The following DNAH8 variants were observed in gnomAD, a reference collection of about 807,000 sequenced individuals.
DNAH8 encodes axonemal beta dynein heavy chain 8.
Under a neutral mutation model 562.1 loss-of-function variants are expected in DNAH8, and 382 were observed. That is an observed-to-expected ratio of 0.68 (90% CI 0.63 to 0.74). The LOEUF (loss-of-function observed/expected upper bound fraction) is 0.74. Ranked by LOEUF, DNAH8 falls within the 30% of genes least tolerant of loss-of-function variation. The probability of loss-of-function intolerance (pLI) is 0.00; values close to 1 mark genes in which losing one functional copy is unlikely to be tolerated. For synonymous variants in DNAH8, 1,881 were observed against 1,919.4 expected, an observed-to-expected ratio of 0.98 and a Z score of 0.52; for missense variants, 5,203 against 5,620.4, an observed-to-expected ratio of 0.93 and a Z score of 2.37.
At chr6:38,883,079 T>C in intron 54 of DNAH8, 27 bp downstream of exon 54, 1 of 1,551,302 alleles carries the variant, frequency 6.4e-7, no homozygotes, top group Non-Finnish European at 8.7e-7. Flanking sequence ...GTTCCTTAAA[T>C]GATCACAAAC....
At chr6:38,867,498 A>T (rs527961718) in intron 47 of DNAH8, among the ~76,000 whole-genome samples, 20 of 151,946 alleles carry the variant, frequency 1.3e-4, no homozygotes, top group Non-Finnish European at 2.1e-4. Flanking sequence ...TAATCCCAGC[A>T]TTCTGGGAGG....
At chr6:38,839,146 G>A (rs1294793887) in intron 33 of DNAH8, among the ~76,000 whole-genome samples, 1 of 152,102 alleles carries the variant, frequency 6.6e-6, no homozygotes, top group Non-Finnish European at 1.5e-5. Flanking sequence ...CAGAACCTCT[G>A]GGATTGGGTC....
Position 38,837,965 on chromosome 6 carries a change from G to T in DNAH8, c.4389G>T (p.Arg1463Ser). The change falls in exon 33 of 93, where the codon AGG becomes AGT. Residue 1463 changes from arginine (R) to serine (S), a missense_variant. Physicochemically the swap from Arg to Ser is moderately radical, Grantham distance 110. This residue lies in a region of DNAH8 where 2,176 missense variants were observed against 2,365.1 expected (regional missense o/e 0.92). Transcript: ENST00000327475. ...AGGCCAGTTTCGATGATCTGTGGAG[G>T]AAATTTGTTACGTATTCATCTGGTG... Reference protein sequence around the residue: ...IFQASFDDLWRKFVTYSSGEQ... With the variant: ...IFQASFDDLWSKFVTYSSGEQ... The T allele has an allele frequency of 6.2e-7, 1 of 1,612,960 alleles. No individual in the cohort carries two copies. Among genetic ancestry groups the T allele is most frequent in the South Asian group, 1.1e-5 (1 of 90,940 alleles).
chr6:38,871,872 G>A (rs1156579336), intron 49 of DNAH8, among the ~76,000 whole-genome samples: 1 of 152,184 alleles, frequency 6.6e-6, no homozygotes, highest in Non-Finnish European at 1.5e-5. Context: ...GATGGAGTAG[G>A]AAAGTCAAGC....
intron 87 of DNAH8, among the ~76,000 whole-genome samples, chr6:38,988,650 C>G (rs918994507): frequency 2.0e-5 from 3 of 152,174 alleles, no homozygotes; most frequent in Non-Finnish European, 4.4e-5. Flanking sequence ...CCTGTCCTAT[C>G]TCTTATGACT....
At chr6:38,848,624 A>AT (rs754793236) in intron 36 of DNAH8, 24 bp from the exon 37 acceptor site, 17 of 1,581,404 alleles carry the variant, frequency 1.1e-5, no homozygotes, top group Non-Finnish European at 1.4e-5. Flanking sequence ...TTGAAATGTG[A>AT]TTTTTTCCGT....
intron 92 of DNAH8, among the ~76,000 whole-genome samples, chr6:39,028,982 C>A (rs1451762928): frequency 6.6e-6 from 1 of 152,206 alleles, no homozygotes; most frequent in Admixed American, 6.5e-5. Flanking sequence ...CTGATCCGAT[C>A]CTCACTGGAG....
At chr6:38,717,084 C>T (rs144486700) in intron 1 of DNAH8, among the ~76,000 whole-genome samples, 33 of 152,256 alleles carry the variant, frequency 2.2e-4, no homozygotes, top group Admixed American at 1.5e-3. Context: ...TGATTGTGTA[C>T]GCCTTTAGTC....
At chr6:38,951,276 A>C in intron 81 of DNAH8, 42 bp from the exon 82 acceptor site, 2 of 1,552,680 alleles carry the variant, frequency 1.3e-6, no homozygotes, top group South Asian at 2.2e-5. Context: ...ATAAAAATTG[A>C]ACACGTTTAG....
At chr6:38,971,733 A>G in intron 83 of DNAH8, 68 bp downstream of exon 83, 1 of 1,252,014 alleles carries the variant, frequency 8.0e-7, no homozygotes, top group Non-Finnish European at 1.1e-6. Context: ...GGATGTTACC[A>G]CATTCTTCTC....
intron 11 of DNAH8, chr6:38,763,257 G>T: frequency 4.0e-6 from 1 of 248,834 alleles, no homozygotes; most frequent in Non-Finnish European, 7.9e-6. Flanking sequence ...CCCACTATTC[G>T]AAAATAATTC....
At chr6:38,919,817 TCTTAGCC>T (rs796743513) in intron 70 of DNAH8, among the ~76,000 whole-genome samples, 4 of 152,292 alleles carry the variant, frequency 2.6e-5, no homozygotes, top group African/African-American at 9.6e-5. Context: ...AATGGTACAT[TCTTAGCC>T]CTTACATACA....
In DNAH8 at chr6:38,908,047, CCT is replaced by C; in HGVS notation, c.9441_9442del (p.Phe3148Ter). The C allele has an allele frequency of 1.2e-6, 2 of 1,611,968 alleles. No individual in the cohort carries two copies. Among genetic ancestry groups the C allele is most frequent in the Non-Finnish European group, 1.7e-6 (2 of 1,178,892 alleles). ...AGGGAGCTACCTCGCCATCCTCCTA[CCT>C]TTGATAATTTGTATGAATACTTCAT... On this transcript the variant is annotated frameshift_variant, in exon 64 of 93. Transcript: ENST00000327475. LOFTEE classifies it high-confidence loss of function.
intron 73 of DNAH8, among the ~76,000 whole-genome samples, chr6:38,925,406 G>C (rs1782042140): frequency 6.6e-6 from 1 of 151,170 alleles, no homozygotes; most frequent in African/African-American, 2.4e-5. Flanking sequence ...TGTGATCATG[G>C]CTCACAGCAG....
At chr6:38,794,518 T>TGTATCCCAA (rs1056531351) in intron 21 of DNAH8, among the ~76,000 whole-genome samples, 3 of 152,242 alleles carry the variant, frequency 2.0e-5, no homozygotes, top group African/African-American at 7.2e-5. Context: ...GAACACTTTC[T>TGTATCCCAA]GTATCCCAAG....
At chr6:38,989,234 C>T (rs1259909107) in intron 87 of DNAH8, among the ~76,000 whole-genome samples, 1 of 152,252 alleles carries the variant, frequency 6.6e-6, no homozygotes, top group Non-Finnish European at 1.5e-5. Flanking sequence ...CATTTCCACT[C>T]TTCCTGTCTT....
rs557436448 is a variant in DNAH8 at position 38,827,190 on chromosome 6, C to G, written c.4083+799C>G. Among the ~76,000 whole-genome samples, 128 of 152,284 alleles carry G rather than the reference C, an allele frequency of 8.4e-4. 5 individuals are homozygous for G. In the South Asian group the frequency reaches 0.022, roughly 27 times the overall value. ...CCTACTTTCCTGCCACACTCTTTCT[C>G]TTATGTGGACTTTTGTGATTACATC... On this transcript the variant is annotated intron_variant, in intron 29 of 92. Coordinates refer to ENST00000327475, the MANE Select transcript of DNAH8 (RefSeq NM_001206927.2).
intron 10 of DNAH8, among the ~76,000 whole-genome samples, chr6:38,756,746 C>T (rs968247258): frequency 1.3e-5 from 2 of 150,242 alleles, no homozygotes; most frequent in Non-Finnish European, 3.0e-5. Flanking sequence ...GTTCAATTCC[C>T]ACCTCTAAGT....
chr6:38,819,997 C>G (rs1444117361), intron 26 of DNAH8, among the ~76,000 whole-genome samples: 2 of 152,080 alleles, frequency 1.3e-5, no homozygotes, highest in African/African-American at 2.4e-5. Context: ...GAAGTCAATT[C>G]TTTGATTAAT....
Sources: allele counts gnomAD v4.1 joint callset (sites outside exome capture counted in the v4.1 genomes callset), GRCh38; gene constraint gnomAD v4.1.1; regional missense constraint gnomAD v4.1.1; transcripts MANE v1.5; gene names NCBI Gene and HGNC (gene_info 2026-07-23, HGNC 2026-07-21).